The following NEU4 variants were observed in gnomAD, a reference collection of about 807,000 sequenced individuals.
The protein encoded by NEU4 is neuraminidase 4, also known as sialidase-4.
Under a neutral mutation model 9.9 loss-of-function variants are expected in NEU4, and 7 were observed. That is an observed-to-expected ratio of 0.71 (90% CI 0.40 to 1.33). The LOEUF is 1.33. Among genes scored for constraint, NEU4 ranks in the 40% most tolerant of loss-of-function variants. The pLI is 0.01. For synonymous variants in NEU4, 348 were observed against 316.9 expected (o/e 1.10, Z -1.04); for missense variants, 717 against 712.6 (o/e 1.01, Z -0.07).
chr2:241,814,078 T>G (rs568490420), intron 1 of NEU4: 2 of 498,096 alleles, frequency 4.0e-6, no homozygotes, highest in South Asian at 3.2e-5. Context: ...TTTTGGGTCC[T>G]CATTGTCCAC....
intron 1 of NEU4, chr2:241,812,097 ACCCC>A (rs1187276653): frequency 7.3e-6 from 1 of 136,952 alleles, no homozygotes; most frequent in East Asian, 5.9e-4. Context: ...GTGTGCGTGG[ACCCC>A]AGAGGGTGTG....
At chr2:241,811,673 T>A in intron 1 of NEU4, 1 of 406,706 alleles carries the variant, frequency 2.5e-6, no homozygotes, top group Non-Finnish European at 4.3e-6. Flanking sequence ...CAGCAAGAGG[T>A]CCCACATGCA....
At position 241,817,354 on chromosome 2, in the gene NEU4, G is replaced by A. The variant is rs1282580869; in HGVS notation, c.*306G>A. On this transcript the variant is annotated 3_prime_UTR_variant, in exon 4 of 4. Coordinates refer to ENST00000407683, the MANE Select transcript of NEU4 (RefSeq NM_001167600.3). Reference sequence around the variant, plus strand: ...CAGGTAGCCCAGGGTGTTGTGGGTGGCAGCACTTGTTTACTGGCTGCTTTC... The same window carrying A: ...CAGGTAGCCCAGGGTGTTGTGGGTGACAGCACTTGTTTACTGGCTGCTTTC... 1 of 424,384 alleles carries A rather than the reference G, an allele frequency of 2.4e-6. No individual in the cohort carries two copies. The highest frequency in any genetic ancestry group is 4.1e-6 in the Non-Finnish European group (1 of 241,872). 26.3% of individuals were successfully genotyped at this position (424,384 alleles called of 1,614,324 possible).
Position 241,816,268 on chromosome 2 carries a change from G to A in NEU4, c.675G>A (p.Leu225=). 1 of 1,594,666 alleles carries A rather than the reference G, an allele frequency of 6.3e-7. No individual in the cohort carries two copies. Among genetic ancestry groups the A allele is most frequent in the Non-Finnish European group, 8.5e-7 (1 of 1,171,592 alleles). The part of the protein sequence containing the change: ...VPNLRSGECQ[L]AAVDGGQAGS... ...ACCTGCGCTCAGGCGAGTGCCAGCT[G>A]GCAGCGGTGGACGGTGGGCAGGCCG... Residue 225 remains leucine (L), a synonymous_variant, in exon 4 of 4, where the codon CTG becomes CTA. Coordinates refer to ENST00000407683, the MANE Select transcript of NEU4 (RefSeq NM_001167600.3).
In NEU4 at chr2:241,816,994, C is replaced by T. The variant is rs771983276; in HGVS notation, c.1401C>T (p.Ser467=). The part of the protein sequence containing the change: ...LREVLENVPA[S]PKPPNLGDKP... ...AGGTCCTGGAGAACGTGCCCGCCAGCCCCAAACCGCCCAACCTTGGGGACA... is the reference window on the plus strand; with the variant it reads ...AGGTCCTGGAGAACGTGCCCGCCAGTCCCAAACCGCCCAACCTTGGGGACA... Residue 467 remains serine, a synonymous_variant, in exon 4 of 4, where the codon AGC becomes AGT. Coordinates refer to ENST00000407683, the MANE Select transcript of NEU4 (RefSeq NM_001167600.3). 3.7e-6 allele frequency: 6 copies of T among 1,609,496 alleles called. No individual in the cohort carries two copies. Among genetic ancestry groups the T allele is most frequent in the Admixed American group, 3.4e-5 (2 of 59,680 alleles).
chr2:241,815,925 C>A, intron 3 of NEU4, 126 bp from the exon 4 acceptor site: 1 of 923,638 alleles, frequency 1.1e-6, no homozygotes, highest in Non-Finnish European at 1.6e-6. Context: ...TGTGGAAGGG[C>A]GGTCAGAGTG....
chr2:241,817,255 G>C lies in NEU4; in HGVS notation c.*207G>C. ...AGTGAGCAGGGCAGGGTGGGGGCAG[G>C]GTGGGGGCACGAAGTGGGCCCTGGG... On this transcript the variant is annotated 3_prime_UTR_variant, in exon 4 of 4. Transcript: ENST00000407683. 3.7e-6 allele frequency: 2 copies of C among 541,150 alleles called. No homozygotes were observed. The highest frequency in any genetic ancestry group is 6.3e-5 in the South Asian group (2 of 31,942). The allele number at this position is 541,150 out of a possible 1,614,324, so 33.5% of individuals were successfully genotyped here.
At position 241,816,260 on chromosome 2, in the gene NEU4, T is replaced by A. The variant is rs779377659; in HGVS notation, c.667T>A (p.Cys223Ser). 9.4e-6 allele frequency: 15 copies of A among 1,602,850 alleles called. No individual in the cohort carries two copies. The highest frequency in any genetic ancestry group is 1.3e-5 in the Non-Finnish European group (15 of 1,175,674). The change falls in exon 4 of 4, where the codon TGC becomes AGC. Residue 223 changes from cysteine (C) to serine (S), a missense_variant. Coordinates refer to ENST00000407683, the MANE Select transcript of NEU4 (RefSeq NM_001167600.3). ...GLVPNLRSGE[C>S]QLAAVDGGQA... ...CGTGCCCAACCTGCGCTCAGGCGAG[T>A]GCCAGCTGGCAGCGGTGGACGGTGG...
rs1224516759 is a variant in NEU4 at position 241,814,573 on chromosome 2, TG to T, written c.90del (p.Thr35ProfsTer22). The T allele has an allele frequency of 1.2e-6, 2 of 1,612,246 alleles. No homozygotes were observed. ...TACCGCGTGCCCTCGCTGCTCCCCG[TG>T]CCCCCCGGGCCCACCCTGCTGGCCT... ...LTYRVPSLLP[V>X]PPGPTLLAFV... On this transcript the variant is annotated frameshift_variant, in exon 2 of 4. Coordinates refer to ENST00000407683, the MANE Select transcript of NEU4 (RefSeq NM_001167600.3). LOFTEE classifies it high-confidence loss of function.
intron 3 of NEU4, chr2:241,815,825 T>C (rs1022683584): frequency 5.0e-6 from 3 of 599,904 alleles, no homozygotes; most frequent in Non-Finnish European, 8.9e-6. Flanking sequence ...CTCACCAGCC[T>C]CCCTGGGTGC....
Position 241,814,993 on chromosome 2 carries a change from C to CT in NEU4, c.305dup (p.Ile103HisfsTer9), listed in dbSNP as rs1418664246. The CT allele has an allele frequency of 6.2e-7, 1 of 1,608,556 alleles. No homozygotes were observed. Among genetic ancestry groups the CT allele is most frequent in the Non-Finnish European group, 8.5e-7 (1 of 1,179,500 alleles). On this transcript the variant is annotated frameshift_variant, in exon 3 of 4. Transcript: ENST00000407683. LOFTEE classifies it high-confidence loss of function. ...CTGGCACGGGCACCGTCTTCCTCTTCTTCATCGCGGTGCTGGGCCACACGC... is the reference window on the plus strand; with the variant it reads ...CTGGCACGGGCACCGTCTTCCTCTTCTTTCATCGCGGTGCTGGGCCACACGC...
Position 241,816,280 on chromosome 2 carries a change from C to T in NEU4, c.687C>T (p.Asp229=), listed in dbSNP as rs759326739. The T allele has an allele frequency of 1.8e-5, 29 of 1,583,938 alleles. No homozygotes were observed. The highest frequency in any genetic ancestry group is 3.3e-4 in the Middle Eastern group (2 of 6,044). ...GCGAGTGCCAGCTGGCAGCGGTGGA[C>T]GGTGGGCAGGCCGGCAGCTTCCTCT... is the stretch of plus-strand genomic sequence containing the variant. The part of the protein sequence containing the change: ...RSGECQLAAV[D]GGQAGSFLYC... Residue 229 remains aspartate (D), a synonymous_variant, in exon 4 of 4, where the codon GAC becomes GAT. Coordinates refer to ENST00000407683, the MANE Select transcript of NEU4 (RefSeq NM_001167600.3).
In NEU4 at chr2:241,813,225, C is replaced by T. The variant is rs1700185378; in HGVS notation, c.-3-1257C>T. On this transcript the variant is annotated intron_variant, in intron 1 of 3. Transcript: ENST00000407683. ...TTACCCGGGTCTCTGTCAGTGGGTC[C>T]CGCCTGACCCGTGGGTGTGCATGGG... 5 of 661,178 alleles carry T rather than the reference C, an allele frequency of 7.6e-6. No homozygotes were observed. The South Asian group carries it at 3.0e-4, about 40-fold the overall frequency. 41.0% of individuals were successfully genotyped at this position (661,178 alleles called of 1,614,324 possible).
At chr2:241,812,735 G>T (rs1359252445) in intron 1 of NEU4, among the ~76,000 whole-genome samples, 1 of 150,830 alleles carries the variant, frequency 6.6e-6, no homozygotes, top group African/African-American at 2.5e-5. Flanking sequence ...TGTCCTCTCT[G>T]TGGGCCTCAG....
rs546867981 is a variant in NEU4 at position 241,813,012 on chromosome 2, C to T, written c.-3-1470C>T. Among the ~76,000 whole-genome samples, 135 of 152,302 alleles carry T rather than the reference C, an allele frequency of 8.9e-4. 6 individuals are homozygous for T. In the South Asian group the frequency reaches 0.026, roughly 29 times the overall value. On this transcript the variant is annotated intron_variant, in intron 1 of 3. Coordinates refer to ENST00000407683, the MANE Select transcript of NEU4 (RefSeq NM_001167600.3). ...AGCAGAGCCAGGGGCTTCTTGGGGACGGAAGCTGCTCTCAGAAGCCGCGCA... is the reference window on the plus strand; with the variant it reads ...AGCAGAGCCAGGGGCTTCTTGGGGATGGAAGCTGCTCTCAGAAGCCGCGCA...
intron 1 of NEU4, chr2:241,813,268 C>T (rs577357594): frequency 1.4e-5 from 14 of 977,550 alleles, no homozygotes; most frequent in South Asian, 3.9e-5. Context: ...CGTAGGCAGG[C>T]GTTCTGCCCT....
chr2:241,817,053 C>G lies in NEU4; in HGVS notation c.*5C>G. The G allele has an allele frequency of 6.4e-7, 1 of 1,574,030 alleles. No individual in the cohort carries two copies. Among genetic ancestry groups the G allele is most frequent in the Non-Finnish European group, 8.6e-7 (1 of 1,162,316 alleles). ...GGGTGCTGCTGGCCCTCCTGACAGG[C>G]CTTCTGGCCGTGCCCATGCCCCTTG... On this transcript the variant is annotated 3_prime_UTR_variant, in exon 4 of 4. Coordinates refer to ENST00000407683, the MANE Select transcript of NEU4 (RefSeq NM_001167600.3).
rs760394572 is a variant in NEU4 at position 241,815,083 on chromosome 2, C to G, written c.393C>G (p.Asp131Glu). 1 of 1,579,578 alleles carries G rather than the reference C, an allele frequency of 6.3e-7. No homozygotes were observed. Among genetic ancestry groups the G allele is most frequent in the East Asian group, 2.3e-5 (1 of 43,756 alleles). The change falls in exon 3 of 4, where the codon GAC (aspartate) becomes GAG (glutamate). Residue 131 changes from aspartate to glutamate, a missense_variant. Transcript: ENST00000407683. ...AARLCCVASR[D>E]AGLSWGSARD... ...GCCTCTGCTGTGTGGCCAGCCGTGA[C>G]GCCGGCCTCTCGTGGGGCAGCGCCC...
chr2:241,811,168 T>C (rs1453854492), intron 1 of NEU4: 2 of 1,227,406 alleles, frequency 1.6e-6, no homozygotes. Flanking sequence ...CAGCCCTTGT[T>C]GGAGGGCGCA....
Sources: allele counts gnomAD v4.1 joint callset (sites outside exome capture counted in the v4.1 genomes callset), GRCh38; gene constraint gnomAD v4.1.1; transcripts MANE v1.5; gene names NCBI Gene and HGNC (gene_info 2026-07-23, HGNC 2026-07-21).